IL17RD: variants seen among roughly 807,000 people sequenced by gnomAD.
IL17RD encodes interleukin 17 receptor D, also known as interleukin-17 receptor D.
In IL17RD, 52 loss-of-function variants were observed where a neutral mutation model predicts 80.5. That is an observed-to-expected ratio of 0.65 (90% CI 0.52 to 0.81). The LOEUF is 0.81. IL17RD is among the 40% of genes least tolerant of loss of function. The pLI, the probability that IL17RD is intolerant of heterozygous loss-of-function variation, is 0.00. For synonymous variants in IL17RD, 416 were observed against 391.8 expected (o/e 1.06, Z -0.73); for missense variants, 1,024 against 955.1 (o/e 1.07, Z -0.95).
chr3:57,150,085 C>G (rs1708023426), intron 1 of IL17RD, among the ~76,000 whole-genome samples: 1 of 152,134 alleles, frequency 6.6e-6, no homozygotes, highest in Non-Finnish European at 1.5e-5. Flanking sequence ...AATCACTAAT[C>G]TGGCAGCTTT....
chr3:57,092,350 A>C lies in IL17RD; in HGVS notation c.*4043T>G, dbSNP rs1161477116. On this transcript the variant is annotated 3_prime_UTR_variant, in exon 13 of 13. Transcript: ENST00000296318. ...ACGCCTGTAATCCCAGCACTTTGGG[A>C]GGCCGAGGCAAGCGGATCACCAGGT... 1.3e-5 allele frequency: 2 copies of C among 152,426 alleles called. No individual in the cohort carries two copies. The highest frequency in any genetic ancestry group is 2.1e-4 in the South Asian group (1 of 4,816). The allele number at this position is 152,426 out of a possible 1,614,324, so 9.4% of individuals were successfully genotyped here.
At chr3:57,155,275 A>G (rs1289314144) in intron 1 of IL17RD, among the ~76,000 whole-genome samples, 8 of 152,266 alleles carry the variant, frequency 5.3e-5, no homozygotes, top group African/African-American at 1.9e-4. Flanking sequence ...CAGAAAGTCC[A>G]AAACCGGGAT....
At chr3:57,157,819 C>G (rs2060278668) in intron 1 of IL17RD, among the ~76,000 whole-genome samples, 2 of 152,164 alleles carry the variant, frequency 1.3e-5, no homozygotes, top group Non-Finnish European at 2.9e-5. Flanking sequence ...CCAAGGAAGC[C>G]CTCCCTTTAT....
At chr3:57,154,937 C>T (rs2107541095) in intron 1 of IL17RD, among the ~76,000 whole-genome samples, 1 of 152,270 alleles carries the variant, frequency 6.6e-6, no homozygotes, top group Middle Eastern at 3.4e-3. Flanking sequence ...CCCGGGAAGT[C>T]ACTGATTGCT....
chr3:57,148,455 T>G (rs904222107), intron 1 of IL17RD, among the ~76,000 whole-genome samples: 8 of 152,184 alleles, frequency 5.3e-5, no homozygotes, highest in African/African-American at 1.2e-4. Flanking sequence ...TATAAGACCA[T>G]AGCTCACGAA....
Position 57,165,210 on chromosome 3 carries a change from G to A in IL17RD, c.77C>T (p.Ala26Val). The stretch of plus-strand genomic sequence containing the variant: ...CCGCGCGCGGCCGGACCCGCCAGCG[G>A]CCACAGCCAGCTGCGAGCCGTTGAG... ...ACLNGSQLAV[A>V]AGGSGRARGA... Residue 26 changes from alanine to valine, a missense_variant, in exon 1 of 13, where the codon GCC becomes GTC. Coordinates refer to ENST00000296318, the MANE Select transcript of IL17RD (RefSeq NM_017563.5). 1 of 1,530,840 alleles carries A rather than the reference G, an allele frequency of 6.5e-7. No individual in the cohort carries two copies. 94.8% of individuals were successfully genotyped at this position (1,530,840 alleles called of 1,614,324 possible).
intron 4 of IL17RD, 142 bp from the exon 5 acceptor site, chr3:57,109,799 G>T: frequency 1.2e-6 from 1 of 857,744 alleles, no homozygotes; most frequent in Non-Finnish European, 1.8e-6. Flanking sequence ...AGGAAGTCAG[G>T]TCTAGTTTCT....
intron 3 of IL17RD, 42 bp from the exon 4 acceptor site, chr3:57,110,353 ACTT>A (rs1707069935): frequency 1.3e-6 from 2 of 1,546,264 alleles, no homozygotes; most frequent in East Asian, 4.8e-5. Flanking sequence ...GAACCTAATT[ACTT>A]CTGAACACAC....
At chr3:57,139,281 G>A (rs1005731601) in intron 1 of IL17RD, among the ~76,000 whole-genome samples, 2 of 152,140 alleles carry the variant, frequency 1.3e-5, no homozygotes, top group Non-Finnish European at 2.9e-5. Flanking sequence ...CAAAGTAGGA[G>A]AATGAAATAC....
intron 1 of IL17RD, among the ~76,000 whole-genome samples, chr3:57,149,490 T>C (rs1708007466): frequency 6.6e-6 from 1 of 152,242 alleles, no homozygotes; most frequent in Admixed American, 6.5e-5. Context: ...TACCACGGTG[T>C]GCATCCTGCA....
intron 1 of IL17RD, among the ~76,000 whole-genome samples, chr3:57,121,013 G>A (rs1181694682): frequency 2.6e-5 from 4 of 152,088 alleles, no homozygotes; most frequent in African/African-American, 7.2e-5. Context: ...AGTGAGCCCC[G>A]GAATCCTCCC....
At position 57,094,797 on chromosome 3, in the gene IL17RD, T is replaced by A. The variant is rs1706634340; in HGVS notation, c.*1596A>T. On this transcript the variant is annotated 3_prime_UTR_variant, in exon 13 of 13. Transcript: ENST00000296318. ...AATGACTCTTCTCTGAGTTGCCTGTTGTTATGGGGAGGCAGTCTTGCAGCT... is the reference window on the plus strand; with the variant it reads ...AATGACTCTTCTCTGAGTTGCCTGTAGTTATGGGGAGGCAGTCTTGCAGCT... 6.6e-6 allele frequency: 1 copy of A among 152,456 alleles called. No homozygotes were observed. Among genetic ancestry groups the A allele is most frequent in the African/African-American group, 2.4e-5 (1 of 41,440 alleles). 9.4% of individuals were successfully genotyped at this position (152,456 alleles called of 1,614,324 possible). A position where few individuals can be genotyped will look rare whatever the true frequency, so the allele number is the denominator to read the frequency against.
Position 57,096,488 on chromosome 3 carries a change from C to CAGG in IL17RD, c.2122_2124dup (p.Pro708dup), listed in dbSNP as rs1706676704. 2 of 1,612,744 alleles carry CAGG rather than the reference C, an allele frequency of 1.2e-6. No homozygotes were observed. Among genetic ancestry groups the CAGG allele is most frequent in the Non-Finnish European group, 1.7e-6 (2 of 1,178,856 alleles). ...GAAGAGAGGAGCTTGGAAGGAAGGG[C>CAGG]AGGAGGTTCCTCCTCACCTAAGGAG... On this transcript the variant is annotated inframe_insertion, in exon 13 of 13. Coordinates refer to ENST00000296318, the MANE Select transcript of IL17RD (RefSeq NM_017563.5).
rs1372413722 is a variant in IL17RD at position 57,093,962 on chromosome 3, C to G, written c.*2431G>C. On this transcript the variant is annotated 3_prime_UTR_variant, in exon 13 of 13. Coordinates refer to ENST00000296318, the MANE Select transcript of IL17RD (RefSeq NM_017563.5). ...TATCCCTGGTCTCTTTTCTAGAGGA[C>G]GTTGTCTAACCTATCTACACAAGCC... 1 of 151,972 alleles carries G rather than the reference C, an allele frequency of 6.6e-6. No homozygotes were observed. The highest frequency in any genetic ancestry group is 6.6e-5 in the Admixed American group (1 of 15,264). 9.4% of individuals were successfully genotyped at this position (151,972 alleles called of 1,614,324 possible). A position where few individuals can be genotyped will look rare whatever the true frequency, so the allele number is the denominator to read the frequency against.
intron 3 of IL17RD, among the ~76,000 whole-genome samples, chr3:57,114,487 A>T (rs1707167336): frequency 6.6e-6 from 1 of 152,242 alleles, no homozygotes; most frequent in Non-Finnish European, 1.5e-5. Context: ...CAATAACAGT[A>T]GAAGAAACAA....
At position 57,154,014 on chromosome 3, in the gene IL17RD, G is replaced by A. The variant is rs186763559; in HGVS notation, c.126+11147C>T. Reference sequence around the variant, plus strand: ...TAATCCCAGCACTTTGCGAGGCCAAGGCAGGAGGACTGCTTGAGGCCAGGA... The same window carrying A: ...TAATCCCAGCACTTTGCGAGGCCAAAGCAGGAGGACTGCTTGAGGCCAGGA... On this transcript the variant is annotated intron_variant, in intron 1 of 12. Coordinates refer to ENST00000296318, the MANE Select transcript of IL17RD (RefSeq NM_017563.5). Among the ~76,000 whole-genome samples, 583 of 152,016 alleles carry A rather than the reference G, an allele frequency of 3.8e-3. 2 individuals carry two copies. The highest frequency in any genetic ancestry group is 6.3e-3 in the Non-Finnish European group (427 of 67,986).
chr3:57,156,557 C>T (rs76322208), intron 1 of IL17RD, among the ~76,000 whole-genome samples: 6,544 of 152,142 alleles, frequency 0.043, 228 homozygotes, highest in South Asian at 0.16. Flanking sequence ...GACAGAGACC[C>T]TGTCTCTGGA....
At chr3:57,150,330 C>T (rs552116081) in intron 1 of IL17RD, 3 of 152,366 alleles carry the variant, frequency 2.0e-5, no homozygotes, top group South Asian at 4.2e-4. Context: ...ACATGGCAGC[C>T]GTCCATCTGA....
intron 1 of IL17RD, chr3:57,142,649 T>C (rs1707852836): frequency 3.1e-6 from 1 of 322,994 alleles, no homozygotes; most frequent in Non-Finnish European, 5.8e-6. Context: ...CATTGACAAA[T>C]GGTTCCACCA....
Sources: gnomAD v4.1 joint callset for allele counts (sites outside exome capture counted in the v4.1 genomes callset) on GRCh38, gnomAD v4.1.1 for gene constraint, MANE v1.5 for transcripts, NCBI Gene and HGNC (gene_info 2026-07-23, HGNC 2026-07-21) for gene names.